Variants in SVOP observed in about 807,000 individuals in gnomAD.
The protein encoded by SVOP is SV2 related protein.
Under a neutral mutation model 69.1 loss-of-function variants are expected in SVOP, and 17 were observed. The ratio of observed to expected loss-of-function variants is 0.25; its 90% CI spans 0.17 to 0.37. The LOEUF (loss-of-function observed/expected upper bound fraction) is 0.37, where lower values mean the gene tolerates loss of function less well. SVOP is among the 10% of genes least tolerant of loss of function. The pLI is 1.00. For missense variants in SVOP, 435 were observed against 597.5 expected, an observed-to-expected ratio of 0.73 and a Z score of 2.84; for synonymous variants, 238 against 238.6, an observed-to-expected ratio of 1.00 and a Z score of 0.02.
At chr12:108,943,872 C>A (rs1566053660) in intron 7 of SVOP, among the ~76,000 whole-genome samples, 1 of 149,018 alleles carries the variant, frequency 6.7e-6, no homozygotes, top group Non-Finnish European at 1.5e-5. Context: ...CTTCCTCTTC[C>A]TCTTCTTCTT....
intron 11 of SVOP, among the ~76,000 whole-genome samples, chr12:108,927,591 T>C (rs1265007708): frequency 6.3e-4 from 22 of 35,062 alleles, no homozygotes; most frequent in Non-Finnish European, 1.7e-3. Flanking sequence ...CTCTCTCTCT[T>C]TTTTTTTTTT....
rs1239341536 is a variant in SVOP, at chr12:108,945,171, G to C, written c.579-5C>G. On this transcript the variant is annotated splice_polypyrimidine_tract_variant and splice_region_variant and intron_variant, in intron 6 of 15. Transcript: ENST00000610966. ...AACTCGGCATACAGCGTCACCCTGGGAATGTAAAAGGGAAAGAAAGGGAGT... is the reference window on the plus strand; with the variant it reads ...AACTCGGCATACAGCGTCACCCTGGCAATGTAAAAGGGAAAGAAAGGGAGT... 3 of 1,536,964 alleles carry C rather than the reference G, an allele frequency of 2.0e-6. No individual in the cohort carries two copies. Among genetic ancestry groups the C allele is most frequent in the African/African-American group, 2.7e-5 (2 of 73,014 alleles).
chr12:108,922,363 C>T (rs1033892059), intron 12 of SVOP, among the ~76,000 whole-genome samples: 2 of 152,144 alleles, frequency 1.3e-5, no homozygotes, highest in East Asian at 3.8e-4. Context: ...CCTCATCATC[C>T]CCATGGGACT....
chr12:108,938,868 C>T lies in SVOP; in HGVS notation c.856G>A (p.Gly286Arg), dbSNP rs759792468. ...ATLKRIATEN[G>R]APMPLGKLII... ...AGTTTCCCCAGCGGCATGGGAGCTC[C>T]GTTTTCAGTTGCTATCCTCTTTAAG... The change falls in exon 9 of 16, where the codon GGA becomes AGA. Residue 286 changes from glycine (G) to arginine (R), a missense_variant. Transcript: ENST00000610966. The T allele has an allele frequency of 6.2e-7, 1 of 1,613,890 alleles. No individual in the cohort carries two copies. The highest frequency in any genetic ancestry group is 8.5e-7 in the Non-Finnish European group (1 of 1,179,898).
In SVOP at chr12:108,977,390, C is replaced by T. The variant is rs2040112146; in HGVS notation, c.381+8G>A. On this transcript the variant is annotated splice_region_variant and intron_variant, in intron 4 of 15. Coordinates refer to ENST00000610966, the MANE Select transcript of SVOP (RefSeq NM_018711.5). ...TATGCAACAGAAGGGAGCTGCTGGG[C>T]TGCCTACCGAGGTCAGCAATGCCAC... is the stretch of plus-strand genomic sequence containing the variant. 8.5e-6 allele frequency: 13 copies of T among 1,536,888 alleles called. No individual in the cohort carries two copies. The highest frequency in any genetic ancestry group is 1.0e-5 in the Non-Finnish European group (12 of 1,146,832).
At position 108,912,338 on chromosome 12, in the gene SVOP, A is replaced by G. The variant is rs79415418; in HGVS notation, c.*197T>C. 36,183 of 1,442,714 alleles carry G rather than the reference A, an allele frequency of 0.025. 634 individuals carry two copies. Among genetic ancestry groups the G allele is most frequent in the East Asian group, 0.067 (2,701 of 40,210 alleles). The allele number at this position is 1,442,714 out of a possible 1,614,324, so 89.4% of individuals were successfully genotyped here. On this transcript the variant is annotated 3_prime_UTR_variant, in exon 16 of 16. Transcript: ENST00000610966. ...TCACCACATATACAGAGAACCCCCTAGAGCAAACATCTCCCCATCCCTGGG... is the reference window on the plus strand; with the variant it reads ...TCACCACATATACAGAGAACCCCCTGGAGCAAACATCTCCCCATCCCTGGG...
intron 6 of SVOP, among the ~76,000 whole-genome samples, chr12:108,950,984 A>G (rs2137414517): frequency 6.6e-6 from 1 of 152,380 alleles, no homozygotes; most frequent in African/African-American, 2.4e-5. Flanking sequence ...TGATTCTGGC[A>G]TAAATAAATT....
At position 108,912,471 on chromosome 12, in the gene SVOP, G is replaced by A. The variant is rs537472353; in HGVS notation, c.*64C>T. 1.2e-4 allele frequency: 188 copies of A among 1,604,330 alleles called. 3 individuals carry two copies. The South Asian group carries it at 1.9e-3, about 16-fold the overall frequency. ...GTCGGCAGTGACAATCAGTGCCCCA[G>A]TTGGGGCCTGCCAGCCCCCCAAGCT... On this transcript the variant is annotated 3_prime_UTR_variant, in exon 16 of 16. Coordinates refer to ENST00000610966, the MANE Select transcript of SVOP (RefSeq NM_018711.5).
Position 108,977,452 on chromosome 12 carries a change from T to A in SVOP, c.327A>T (p.Pro109=), listed in dbSNP as rs1450594763. 9 of 1,537,098 alleles carry A rather than the reference T, an allele frequency of 5.9e-6. No individual in the cohort carries two copies. The highest frequency in any genetic ancestry group is 1.4e-5 in the African/African-American group (1 of 73,056). Residue 109 remains proline (P), a synonymous_variant, in exon 4 of 16, where the codon CCA becomes CCT. Coordinates refer to ENST00000610966, the MANE Select transcript of SVOP (RefSeq NM_018711.5). ...MEMMILSILA[P]QLHCEWRLPS... ...GGAGCCTCCACTCGCAATGCAGCTG[T>A]GGTGCCAGGATGCTGAGGATCATCA...
chr12:108,925,524 GTCAAA>G (rs1265908947), intron 11 of SVOP, among the ~76,000 whole-genome samples: 4 of 152,174 alleles, frequency 2.6e-5, no homozygotes, highest in African/African-American at 9.7e-5. Flanking sequence ...TTAAACCTAA[GTCAAA>G]TCACTGTTAT....
At chr12:108,973,047 C>T (rs2040087943) in intron 4 of SVOP, among the ~76,000 whole-genome samples, 1 of 152,142 alleles carries the variant, frequency 6.6e-6, no homozygotes, top group Admixed American at 6.5e-5. Flanking sequence ...GATTAGAAAC[C>T]TGCTCCGCCT....
At position 108,937,217 on chromosome 12, in the gene SVOP, G is replaced by T. The variant is rs375282317; in HGVS notation, c.971+47C>A. On this transcript the variant is annotated intron_variant, in intron 10 of 15. Transcript: ENST00000610966. ...GCATTAAAACAAAACCCAAAACAGG[G>T]CACAGGGAGTGGAAAGGGGTCAAAG... 4.4e-6 allele frequency: 7 copies of T among 1,595,458 alleles called. No individual in the cohort carries two copies. The African/African-American group carries it at 9.4e-5, about 21-fold the overall frequency.
At chr12:108,921,848 C>T (rs1380374400) in intron 12 of SVOP, among the ~76,000 whole-genome samples, 1 of 152,168 alleles carries the variant, frequency 6.6e-6, no homozygotes, top group Non-Finnish European at 1.5e-5. Context: ...AATAACTAAA[C>T]GACTTCACAA....
Position 109,020,966 on chromosome 12 carries a change from C to G in SVOP, c.-98G>C. The G allele has an allele frequency of 1.5e-6, 1 of 656,006 alleles. No individual in the cohort carries two copies. The highest frequency in any genetic ancestry group is 1.6e-5 in the South Asian group (1 of 61,380). The allele number at this position is 656,006 out of a possible 1,614,324, so 40.6% of individuals were successfully genotyped here. A position where few individuals can be genotyped will look rare whatever the true frequency, so the allele number is the denominator to read the frequency against. ...TTCAGCACCGGGAAGCTGGACAGCA[C>G]CCGCGCCGCTTCCTCCCTGGAGCAG... On this transcript the variant is annotated 5_prime_UTR_variant, in exon 1 of 16. Coordinates refer to ENST00000610966, the MANE Select transcript of SVOP (RefSeq NM_018711.5).
At chr12:109,005,236 T>C (rs1053419398) in intron 1 of SVOP, among the ~76,000 whole-genome samples, 3 of 152,156 alleles carry the variant, frequency 2.0e-5, no homozygotes, top group Non-Finnish European at 4.4e-5. Flanking sequence ...ACAGACTGAC[T>C]TGGGTTTGAA....
At chr12:109,015,026 A>G (rs913909476) in intron 1 of SVOP, among the ~76,000 whole-genome samples, 4 of 152,160 alleles carry the variant, frequency 2.6e-5, no homozygotes, top group African/African-American at 7.2e-5. Flanking sequence ...TGCCCAGCTC[A>G]GGTATTTTTT....
chr12:108,965,793 C>T (rs1051138624), intron 5 of SVOP, among the ~76,000 whole-genome samples: 5 of 152,190 alleles, frequency 3.3e-5, no homozygotes, highest in African/African-American at 1.2e-4. Flanking sequence ...CAAGGATCAT[C>T]AGAGGGAGTC....
chr12:108,991,944 C>G (rs1282857520), intron 1 of SVOP, among the ~76,000 whole-genome samples: 1 of 151,930 alleles, frequency 6.6e-6, no homozygotes, highest in African/African-American at 2.4e-5. Context: ...GATCCTGACT[C>G]TAAAGAAATA....
chr12:108,995,131 C>T (rs1219284387), intron 1 of SVOP, among the ~76,000 whole-genome samples: 1 of 150,740 alleles, frequency 6.6e-6, no homozygotes, highest in South Asian at 2.1e-4. Context: ...GGCAACAGAG[C>T]TAGAACCTGT....
Sources: allele counts gnomAD v4.1 joint callset (sites outside exome capture counted in the v4.1 genomes callset), GRCh38; gene constraint gnomAD v4.1.1; transcripts MANE v1.5; gene names NCBI Gene and HGNC (gene_info 2026-07-23, HGNC 2026-07-21).